Variants in DNAJC3 observed in about 807,000 individuals in gnomAD.
DNAJC3 encodes the protein dnaJ homolog subfamily C member 3.
In DNAJC3, 38 loss-of-function variants were observed where a neutral mutation model predicts 68.6. That is an observed-to-expected ratio of 0.55 (90% confidence interval 0.43 to 0.73). DNAJC3 has a LOEUF of 0.73. DNAJC3 is among the 30% of genes least tolerant of loss of function. The probability of loss-of-function intolerance (pLI) is 0.00; values close to 1 mark genes in which losing one functional copy is unlikely to be tolerated. For missense variants in DNAJC3, 526 were observed against 591.9 expected (o/e 0.89, Z 1.16); for synonymous variants, 203 against 204.0 (o/e 1.00, Z 0.04).
chr13:95,734,692 T>A (rs966178981), intron 4 of DNAJC3, among the ~76,000 whole-genome samples: 3 of 152,174 alleles, frequency 2.0e-5, no homozygotes, highest in Middle Eastern at 3.2e-3. Context: ...CTGTGTGTCA[T>A]GTAAGCTTGT....
At chr13:95,774,013 G>A (rs1883234768) in intron 9 of DNAJC3, among the ~76,000 whole-genome samples, 1 of 152,192 alleles carries the variant, frequency 6.6e-6, no homozygotes, top group Non-Finnish European at 1.5e-5. Context: ...GGGATTACAG[G>A]CGTGAGCCAC....
In DNAJC3 at chr13:95,685,231, C is replaced by T. The variant is rs546698902; in HGVS notation, c.82+7894C>T. ...ACTGCCCAAGGCCTTGGGAGCTCAC[C>T]CCTTGCTGCAATATGCCCTGGATGT... On this transcript the variant is annotated intron_variant, in intron 1 of 11. Coordinates refer to ENST00000602402, the MANE Select transcript of DNAJC3 (RefSeq NM_006260.5). 3.3e-5 allele frequency among the ~76,000 whole-genome samples: 5 copies of T among 152,358 alleles called. No homozygotes were observed. In the South Asian group the frequency reaches 8.3e-4, roughly 25 times the overall value.
Position 95,723,151 on chromosome 13 carries a change from G to C in DNAJC3, c.194-91G>C, listed in dbSNP as rs1881392402. The C allele has an allele frequency of 1.4e-5, 16 of 1,168,338 alleles. No individual in the cohort carries two copies. The South Asian group carries it at 2.3e-4, about 16-fold the overall frequency. The allele number at this position is 1,168,338 out of a possible 1,614,324, so 72.4% of individuals were successfully genotyped here. ...TCTTAATGTCCATCTTAGTAGAGTT[G>C]CAAGTGCTGATACTGTCCAGGTGAT... On this transcript the variant is annotated intron_variant, in intron 2 of 11. Transcript: ENST00000602402.
rs199663809 is a variant in DNAJC3 at position 95,736,139 on chromosome 13, C to T, written c.393+10887C>T. On this transcript the variant is annotated intron_variant, in intron 4 of 11. Transcript: ENST00000602402. ...CAAAGATCAGATAGTTGTAGATATG[C>T]GGCGTTATTTCTGAGGGCTCTGTTC... 4.5e-3 allele frequency among the ~76,000 whole-genome samples: 677 copies of T among 151,962 alleles called. 22 individuals are homozygous for T. The East Asian group carries it at 0.093, about 21-fold the overall frequency.
intron 9 of DNAJC3, among the ~76,000 whole-genome samples, chr13:95,764,369 C>CTATATATATATATATATA (rs1340131404): frequency 7.3e-6 from 1 of 136,718 alleles, no homozygotes; most frequent in African/African-American, 3.2e-5. Context: ...CTCTCTCTCT[C>CTATATATATATATATATA]TCTCTCTATA....
At chr13:95,763,619 TATC>T in intron 7 of DNAJC3, 21 bp from the exon 8 acceptor site, 1 of 1,605,654 alleles carries the variant, frequency 6.2e-7, no homozygotes, top group Non-Finnish European at 8.5e-7. Flanking sequence ...CATCATTTCT[TATC>T]ATGATTTGCT....
intron 4 of DNAJC3, among the ~76,000 whole-genome samples, chr13:95,740,102 G>A (rs1882075847): frequency 6.6e-6 from 1 of 152,198 alleles, no homozygotes; most frequent in African/African-American, 2.4e-5. Context: ...CTGCTGGGGG[G>A]TGCCTCCCAG....
At chr13:95,727,916 C>T (rs954193777) in intron 4 of DNAJC3, among the ~76,000 whole-genome samples, 3 of 152,172 alleles carry the variant, frequency 2.0e-5, no homozygotes, top group Non-Finnish European at 4.4e-5. Flanking sequence ...GCTCTGGCCC[C>T]CTAGTCATAC....
chr13:95,702,615 T>C (rs1880615369), intron 1 of DNAJC3, among the ~76,000 whole-genome samples: 1 of 152,240 alleles, frequency 6.6e-6, no homozygotes, highest in East Asian at 1.9e-4. Flanking sequence ...TTTCACCACA[T>C]AGGGACTCAA....
chr13:95,779,853 CAT>C (rs1239540165), intron 9 of DNAJC3, among the ~76,000 whole-genome samples: 2 of 152,112 alleles, frequency 1.3e-5, no homozygotes, highest in African/African-American at 4.8e-5. Flanking sequence ...TTCTGATGAA[CAT>C]TCATTAGATA....
At chr13:95,710,475 C>T (rs555751881) in intron 2 of DNAJC3, among the ~76,000 whole-genome samples, 3 of 152,136 alleles carry the variant, frequency 2.0e-5, no homozygotes, top group Admixed American at 6.5e-5. Context: ...AAGCAGTCCT[C>T]CTGCCTTGGC....
intron 4 of DNAJC3, among the ~76,000 whole-genome samples, chr13:95,756,772 C>T (rs1453204594): frequency 6.6e-6 from 1 of 152,068 alleles, no homozygotes; most frequent in African/African-American, 2.4e-5. Context: ...CCTCCCCTCC[C>T]TCAGGCTTAA....
intron 9 of DNAJC3, among the ~76,000 whole-genome samples, chr13:95,765,869 G>C (rs965545366): frequency 6.6e-6 from 1 of 152,068 alleles, no homozygotes; most frequent in Non-Finnish European, 1.5e-5. Flanking sequence ...CAATTGATAT[G>C]TCTTTGAAGT....
intron 9 of DNAJC3, among the ~76,000 whole-genome samples, chr13:95,785,417 C>T (rs906258179): frequency 4.0e-5 from 6 of 150,116 alleles, no homozygotes; most frequent in African/African-American, 1.5e-4. Flanking sequence ...TAATAAACTA[C>T]CTAAACTCAG....
chr13:95,720,808 AAAG>A (rs1447655957), intron 2 of DNAJC3, among the ~76,000 whole-genome samples: 1 of 151,910 alleles, frequency 6.6e-6, no homozygotes, highest in Non-Finnish European at 1.5e-5. Context: ...GATTTAAGAA[AAAG>A]AAGGTTTTTT....
chr13:95,751,932 T>C (rs1189695550), intron 4 of DNAJC3, among the ~76,000 whole-genome samples: 1 of 152,152 alleles, frequency 6.6e-6, no homozygotes, highest in Non-Finnish European at 1.5e-5. Flanking sequence ...GAAACTTATT[T>C]ACTATCATGA....
In DNAJC3 at chr13:95,725,210, A is replaced by G. The variant is rs148180186; in HGVS notation, c.351A>G (p.Lys117=). The change falls in exon 4 of 12, where the codon AAA becomes AAG. Residue 117 remains lysine, a synonymous_variant. Coordinates refer to ENST00000602402, the MANE Select transcript of DNAJC3 (RefSeq NM_006260.5). ...TACAGAGAGGTCACTTATTACTCAA[A>G]CAAGGAAAACTTGATGAAGCAGAAG... ...ARLQRGHLLL[K]QGKLDEAEDD... 1.3e-6 allele frequency: 2 copies of G among 1,593,836 alleles called. No individual in the cohort carries two copies. The highest frequency in any genetic ancestry group is 2.7e-5 in the African/African-American group (2 of 74,206).
intron 1 of DNAJC3, among the ~76,000 whole-genome samples, chr13:95,703,202 G>A (rs759121812): frequency 6.6e-6 from 1 of 152,134 alleles, no homozygotes; most frequent in Non-Finnish European, 1.5e-5. Flanking sequence ...TCTGTTTAAA[G>A]ACACCTTACT....
intron 1 of DNAJC3, among the ~76,000 whole-genome samples, chr13:95,703,230 T>C (rs184033947): frequency 1.3e-5 from 2 of 152,234 alleles, no homozygotes; most frequent in African/African-American, 4.8e-5. Flanking sequence ...GTTGATCTAT[T>C]AACATTGAAC....
Sources: allele counts gnomAD v4.1 joint callset (sites outside exome capture counted in the v4.1 genomes callset), GRCh38; gene constraint gnomAD v4.1.1; transcripts MANE v1.5; gene names NCBI Gene and HGNC (gene_info 2026-07-23, HGNC 2026-07-21).